DDX18: variants seen among roughly 807,000 people sequenced by gnomAD.
The protein encoded by DDX18 is ATP-dependent RNA helicase DDX18.
DDX18 carries 23 observed loss-of-function variants against 73.5 expected under a neutral mutation model. The observed-to-expected ratio is 0.31, with a 90% CI of 0.23 to 0.44. The LOEUF is 0.44. DDX18 is among the 20% of genes least tolerant of loss of function. DDX18 has a pLI of 1.00. For missense variants in DDX18, 753 were observed against 792.9 expected (o/e 0.95, Z 0.60); for synonymous variants, 268 against 282.7 (o/e 0.95, Z 0.52).
chr2:117,829,429 G>A lies in DDX18; in HGVS notation c.1833G>A (p.Leu611=). 6.2e-7 allele frequency: 1 copy of A among 1,612,388 alleles called. No individual in the cohort carries two copies. Among genetic ancestry groups the A allele is most frequent in the Non-Finnish European group, 8.5e-7 (1 of 1,179,576 alleles). Reference sequence around the variant, plus strand: ...ACCTAAATTTGCCTCAGGTTGCTCTGTCATTTGGTTTCAAGGTGCCTCCCT... The same window carrying A: ...ACCTAAATTTGCCTCAGGTTGCTCTATCATTTGGTTTCAAGGTGCCTCCCT... ...VNNLNLPQVA[L]SFGFKVPPFV... is the part of the protein sequence containing the mutation. Residue 611 remains leucine (L), a synonymous_variant, in exon 13 of 14, where the codon CTG becomes CTA. Transcript: ENST00000263239.
chr2:117,826,233 C>A, intron 10 of DDX18, 36 bp from the exon 11 acceptor site: 1 of 1,582,158 alleles, frequency 6.3e-7, no homozygotes, highest in South Asian at 1.1e-5. Context: ...ATGTGGAAGT[C>A]ACTGCGTTAA....
At chr2:117,817,757 C>T in intron 2 of DDX18, 29 bp downstream of exon 2, 1 of 1,566,030 alleles carries the variant, frequency 6.4e-7, no homozygotes, top group Non-Finnish European at 8.6e-7. Context: ...TGAACTTCAG[C>T]CATTTAGTTT....
At chr2:117,818,771 C>T (rs1166776207) in intron 2 of DDX18, among the ~76,000 whole-genome samples, 1 of 152,182 alleles carries the variant, frequency 6.6e-6, no homozygotes, top group Non-Finnish European at 1.5e-5. Flanking sequence ...ATCCTCCCAC[C>T]TCGGCTTCCC....
At chr2:117,830,494 A>C in intron 13 of DDX18, 88 bp from the exon 14 acceptor site, 26 of 1,381,582 alleles carry the variant, frequency 1.9e-5, no homozygotes, top group Non-Finnish European at 2.5e-5. Flanking sequence ...GAGGAACAGT[A>C]GTGTTCATGC....
chr2:117,821,854 AT>A lies in DDX18; in HGVS notation c.752-3del. On this transcript the variant is annotated splice_region_variant and splice_polypyrimidine_tract_variant and intron_variant, in intron 5 of 13. Transcript: ENST00000263239. Reference sequence around the variant, plus strand: ...CACATTTAGACTTCTACCATATATCATTTTTAGGAACAGGAGTCCTTATTCT... The same window carrying A: ...CACATTTAGACTTCTACCATATATCATTTTAGGAACAGGAGTCCTTATTCT... 1 of 1,613,922 alleles carries A rather than the reference AT, an allele frequency of 6.2e-7. No individual in the cohort carries two copies. Among genetic ancestry groups the A allele is most frequent in the Non-Finnish European group, 8.5e-7 (1 of 1,179,888 alleles).
chr2:117,817,141 A>G (rs1189821028), intron 1 of DDX18, among the ~76,000 whole-genome samples: 1 of 152,148 alleles, frequency 6.6e-6, no homozygotes, highest in African/African-American at 2.4e-5. Context: ...ATCTGACCTC[A>G]TCTGTTTAAA....
chr2:117,823,526 G>A (rs572105245), intron 7 of DDX18, among the ~76,000 whole-genome samples: 1 of 152,254 alleles, frequency 6.6e-6, no homozygotes, highest in East Asian at 1.9e-4. Context: ...TAGCAAGACA[G>A]TTAATCCTGT....
intron 1 of DDX18, among the ~76,000 whole-genome samples, chr2:117,815,289 A>G (rs1314297377): frequency 6.6e-6 from 1 of 152,010 alleles, no homozygotes. Flanking sequence ...TCTTTCCCCA[A>G]AAGCCCGTCT....
chr2:117,822,465 T>G, intron 7 of DDX18: 2 of 473,090 alleles, frequency 4.2e-6, no homozygotes, highest in South Asian at 2.1e-5. Flanking sequence ...TTAGAAGTTA[T>G]AAGGCACGTT....
At position 117,821,116 on chromosome 2, in the gene DDX18, A is replaced by T. The variant is rs201043366; in HGVS notation, c.515-45A>T. 115 of 17,710 alleles carry T rather than the reference A, an allele frequency of 6.5e-3. 1 individual carries two copies. In the African/African-American group the frequency reaches 0.094, roughly 14 times the overall value. 1.1% of individuals were successfully genotyped at this position (17,710 alleles called of 1,614,324 possible). On this transcript the variant is annotated intron_variant, in intron 3 of 13. Coordinates refer to ENST00000263239, the MANE Select transcript of DDX18 (RefSeq NM_006773.4). ...TAGGCAACTGTAGCAATACTTTTTT[A>T]AAAAAAAAGATAAATTTGCTAATGA... is the stretch of plus-strand genomic sequence containing the variant.
chr2:117,822,164 G>T lies in DDX18; in HGVS notation c.969G>T (p.Met323Ile), dbSNP rs771757586. The change falls in exon 7 of 14, where the codon ATG (methionine) becomes ATT (isoleucine). Residue 323 changes from methionine to isoleucine, a missense_variant. This residue lies in a region of DDX18 where 402 missense variants were observed against 419.4 expected (regional missense o/e 0.96). Coordinates refer to ENST00000263239, the MANE Select transcript of DDX18 (RefSeq NM_006773.4). ...LDHMQNTPGF[M>I]YKNLQCLVID... is the part of the protein sequence containing the mutation. ...TTTGTTAGAATACCCCAGGATTTAT[G>T]TATAAAAACCTGCAGTGTCTGGTTA... The T allele has an allele frequency of 1.2e-6, 2 of 1,613,896 alleles. No homozygotes were observed. The highest frequency in any genetic ancestry group is 2.7e-5 in the African/African-American group (2 of 75,016).
chr2:117,825,628 A>C (rs1243849459), intron 10 of DDX18, 29 bp downstream of exon 10: 1 of 1,606,354 alleles, frequency 6.2e-7, no homozygotes. Context: ...ATATCTTCAG[A>C]ATGACTCTGC....
At chr2:117,829,072 C>G (rs1679979328) in intron 12 of DDX18, 67 bp downstream of exon 12, 1 of 1,366,070 alleles carries the variant, frequency 7.3e-7, no homozygotes, top group Non-Finnish European at 1.0e-6. Context: ...TGTAGTGATT[C>G]ACTGGGCAAT....
At chr2:117,822,432 C>G (rs1441715531) in intron 7 of DDX18, 171 bp downstream of exon 7, 2 of 567,540 alleles carry the variant, frequency 3.5e-6, no homozygotes, top group Non-Finnish European at 3.1e-6. Context: ...TGTATTATAA[C>G]TTGATATAAT....
chr2:117,827,696 C>T (rs1313514326), intron 11 of DDX18: 1 of 152,140 alleles, frequency 6.6e-6, no homozygotes, highest in Non-Finnish European at 1.5e-5. Flanking sequence ...CATAGTATTC[C>T]ATGGTGTGTA....
chr2:117,821,559 T>C (rs1480124870), intron 4 of DDX18, 91 bp from the exon 5 acceptor site: 7 of 1,406,836 alleles, frequency 5.0e-6, no homozygotes. Flanking sequence ...TTCTTGTTCA[T>C]GTTCTAGCCG....
chr2:117,814,770 TG>T lies in DDX18; in HGVS notation c.-5del. The T allele has an allele frequency of 6.2e-7, 1 of 1,614,176 alleles. No individual in the cohort carries two copies. On this transcript the variant is annotated 5_prime_UTR_variant, in exon 1 of 14. Coordinates refer to ENST00000263239, the MANE Select transcript of DDX18 (RefSeq NM_006773.4). Reference sequence around the variant, plus strand: ...GTGGCGCCTTATTCTAGGCACTTGTTGGGCAGAATGTCACACCTGCCGATGA... The same window carrying T: ...GTGGCGCCTTATTCTAGGCACTTGTTGGCAGAATGTCACACCTGCCGATGA...
In DDX18 at chr2:117,822,295, G is replaced by A. The variant is rs374979500; in HGVS notation, c.1066+34G>A. On this transcript the variant is annotated intron_variant, in intron 7 of 13. Coordinates refer to ENST00000263239, the MANE Select transcript of DDX18 (RefSeq NM_006773.4). ...GTAGCATCTGCATTTGGTTTGCAAA[G>A]TATCTGTTGGAGGTAGATAAGAGTT... 21 of 1,523,760 alleles carry A rather than the reference G, an allele frequency of 1.4e-5. No individual in the cohort carries two copies. The African/African-American group carries it at 2.3e-4, about 17-fold the overall frequency. The allele number at this position is 1,523,760 out of a possible 1,614,324, so 94.4% of individuals were successfully genotyped here. A position where few individuals can be genotyped will look rare whatever the true frequency, so the allele number is the denominator to read the frequency against.
At position 117,830,976 on chromosome 2, in the gene DDX18, A is replaced by C. The variant is rs1680014720; in HGVS notation, c.*252A>C. ...AATATCTGGTGTTTCTTGTGATGAT[A>C]ATATTTTAATTTTAAATATCCCTCC... On this transcript the variant is annotated 3_prime_UTR_variant, in exon 14 of 14. Coordinates refer to ENST00000263239, the MANE Select transcript of DDX18 (RefSeq NM_006773.4). 1 of 419,484 alleles carries C rather than the reference A, an allele frequency of 2.4e-6. No homozygotes were observed. The highest frequency in any genetic ancestry group is 2.1e-5 in the African/African-American group (1 of 47,510). 26.0% of individuals were successfully genotyped at this position (419,484 alleles called of 1,614,324 possible). A position where few individuals can be genotyped will look rare whatever the true frequency, so the allele number is the denominator to read the frequency against.
Sources: allele counts gnomAD v4.1 joint callset (sites outside exome capture counted in the v4.1 genomes callset), GRCh38; gene constraint gnomAD v4.1.1; regional missense constraint gnomAD v4.1.1; transcripts MANE v1.5; gene names NCBI Gene and HGNC (gene_info 2026-07-23, HGNC 2026-07-21).